Variants in DNAH11 observed in about 807,000 individuals in gnomAD.
The protein encoded by DNAH11 is dynein axonemal heavy chain 11, also known as axonemal beta dynein heavy chain 11.
In DNAH11, 442 loss-of-function variants were observed where a neutral mutation model predicts 526.0. The observed-to-expected ratio is 0.84, with a 90% CI of 0.78 to 0.91. The LOEUF (loss-of-function observed/expected upper bound fraction) is 0.91. Among genes scored for constraint, DNAH11 ranks in the 40% least tolerant of loss-of-function variants. The pLI is 0.00. For synonymous variants in DNAH11, 2,461 were observed against 1,935.9 expected, an observed-to-expected ratio of 1.27 and a Z score of -7.12; for missense variants, 6,989 against 5,448.7, an observed-to-expected ratio of 1.28 and a Z score of -8.90.
intron 2 of DNAH11, among the ~76,000 whole-genome samples, chr7:21,549,493 A>C (rs1015981593): frequency 6.6e-6 from 1 of 152,050 alleles, no homozygotes; most frequent in South Asian, 2.1e-4. Flanking sequence ...GTCCCAGGCA[A>C]ATGGGGGGGT....
chr7:21,636,047 G>T lies in DNAH11; in HGVS notation c.4677G>T (p.Gln1559His). Residue 1559 changes from glutamine (Q) to histidine (H), a missense_variant, in exon 26 of 82, where the codon CAG becomes CAT. Transcript: ENST00000409508. ...IFVCSEDIRI[Q>H]LVKDARRFDG... ...TCTGTTCAGAAGATATTCGAATCCA[G>T]CTTGTGAAAGATGCTAGAAGATTTG... 6.2e-7 allele frequency: 1 copy of T among 1,613,544 alleles called. No homozygotes were observed. Among genetic ancestry groups the T allele is most frequent in the Non-Finnish European group, 8.5e-7 (1 of 1,179,686 alleles).
At chr7:21,777,159 A>T (rs1787712255) in intron 56 of DNAH11, among the ~76,000 whole-genome samples, 1 of 152,030 alleles carries the variant, frequency 6.6e-6, no homozygotes, top group African/African-American at 2.4e-5. Context: ...TAGTTTTGTC[A>T]TTTCAAAAAT....
intron 25 of DNAH11, among the ~76,000 whole-genome samples, chr7:21,623,281 G>A (rs1355810463): frequency 5.0e-4 from 76 of 151,598 alleles, no homozygotes; most frequent in African/African-American, 1.8e-3. Flanking sequence ...TCTCACACCA[G>A]TTAGAATGGC....
chr7:21,589,802 G>T (rs1453842159), intron 12 of DNAH11, among the ~76,000 whole-genome samples: 1 of 152,108 alleles, frequency 6.6e-6, no homozygotes, highest in Non-Finnish European at 1.5e-5. Flanking sequence ...ACATACACCA[G>T]TGTTTTAGTT....
At chr7:21,579,136 A>G (rs1167760246) in intron 8 of DNAH11, among the ~76,000 whole-genome samples, 1 of 152,144 alleles carries the variant, frequency 6.6e-6, no homozygotes, top group Admixed American at 6.5e-5. Flanking sequence ...TGCCTTTTAG[A>G]CACTAAGTCA....
chr7:21,763,361 A>AGAAG (rs1787016853), intron 54 of DNAH11, among the ~76,000 whole-genome samples: 1 of 149,086 alleles, frequency 6.7e-6, no homozygotes, highest in Non-Finnish European at 1.5e-5. Flanking sequence ...AAAAAAGAAA[A>AGAAG]AAAAAAAGAC....
chr7:21,782,217 T>C (rs922299583), intron 57 of DNAH11, among the ~76,000 whole-genome samples: 5 of 152,224 alleles, frequency 3.3e-5, no homozygotes, highest in Non-Finnish European at 7.3e-5. Context: ...GCAGAGAATT[T>C]CTGGTCTACC....
intron 31 of DNAH11, 190 bp downstream of exon 31, chr7:21,681,867 C>T: frequency 1.3e-6 from 1 of 747,982 alleles, no homozygotes; most frequent in Non-Finnish European, 2.3e-6. Context: ...GAGACCTATT[C>T]CAAGTGATAT....
Position 21,787,521 on chromosome 7 carries a change from A to G in DNAH11, c.9862A>G (p.Thr3288Ala), listed in dbSNP as rs1266689145. 1.9e-6 allele frequency: 3 copies of G among 1,613,522 alleles called. No individual in the cohort carries two copies. The African/African-American group carries it at 4.0e-5, about 22-fold the overall frequency. Residue 3288 changes from threonine to alanine, a missense_variant, in exon 60 of 82, where the codon ACC becomes GCC. By Grantham distance (58) the Thr-to-Ala change is moderately conservative (BLOSUM62 0). Coordinates refer to ENST00000409508, the MANE Select transcript of DNAH11 (RefSeq NM_001277115.2). ...DPEFNPNLIR[T>A]KSFAAAGLCA... Reference sequence around the variant, plus strand: ...AGAGTTTAATCCAAACCTGATTCGAACCAAATCTTTTGCAGCAGCTGGCCT... The same window carrying G: ...AGAGTTTAATCCAAACCTGATTCGAGCCAAATCTTTTGCAGCAGCTGGCCT...
At chr7:21,756,064 A>T (rs922521665) in intron 54 of DNAH11, among the ~76,000 whole-genome samples, 2 of 152,054 alleles carry the variant, frequency 1.3e-5, no homozygotes, top group Non-Finnish European at 2.9e-5. Context: ...CATATTTATT[A>T]AAAATGTTAA....
At chr7:21,676,171 T>G (rs1408588539) in intron 30 of DNAH11, among the ~76,000 whole-genome samples, 1 of 152,214 alleles carries the variant, frequency 6.6e-6, no homozygotes, top group African/African-American at 2.4e-5. Flanking sequence ...TTATTTCTAG[T>G]TCAAGATACA....
At chr7:21,800,287 C>G (rs1343285788) in intron 61 of DNAH11, among the ~76,000 whole-genome samples, 2 of 152,174 alleles carry the variant, frequency 1.3e-5, no homozygotes, top group Non-Finnish European at 2.9e-5. Flanking sequence ...CCAGGTCTTT[C>G]AATGCTAAAG....
chr7:21,725,962 T>A lies in DNAH11; in HGVS notation c.7418T>A (p.Met2473Lys), dbSNP rs1203555983. The change falls in exon 45 of 82, where the codon ATG becomes AAG. Residue 2473 changes from methionine (M) to lysine (K), a missense_variant. Coordinates refer to ENST00000409508, the MANE Select transcript of DNAH11 (RefSeq NM_001277115.2). ...PWADKIAQFTMDPDVPLQTVL... is the reference protein window; with the variant it reads ...PWADKIAQFTKDPDVPLQTVL... ...GCTGACAAAATTGCCCAGTTTACTA[T>A]GGATCCAGATGTGCCTCTGCAGGTA... The A allele has an allele frequency of 6.4e-7, 1 of 1,554,412 alleles. No homozygotes were observed. Among genetic ancestry groups the A allele is most frequent in the Non-Finnish European group, 8.7e-7 (1 of 1,148,248 alleles).
chr7:21,594,636 A>G (rs959184898), intron 14 of DNAH11, among the ~76,000 whole-genome samples: 4 of 152,182 alleles, frequency 2.6e-5, no homozygotes, highest in African/African-American at 9.7e-5. Flanking sequence ...CAGAGGTGAT[A>G]GAGTCAGCCA....
chr7:21,662,499 G>T (rs1419118919), intron 30 of DNAH11, among the ~76,000 whole-genome samples: 1 of 151,918 alleles, frequency 6.6e-6, no homozygotes, highest in Non-Finnish European at 1.5e-5. Context: ...TAATTGAAAG[G>T]TAAATACTGT....
intron 68 of DNAH11, among the ~76,000 whole-genome samples, chr7:21,855,857 C>T (rs1161514045): frequency 1.3e-5 from 2 of 151,948 alleles, no homozygotes; most frequent in Non-Finnish European, 2.9e-5. Context: ...TATAGTTCCA[C>T]CTTTATGATC....
At chr7:21,850,900 T>A (rs1034096133) in intron 66 of DNAH11, among the ~76,000 whole-genome samples, 1 of 152,168 alleles carries the variant, frequency 6.6e-6, no homozygotes. Context: ...TCCACTGATA[T>A]TATACTGGAG....
At chr7:21,707,904 C>T in intron 40 of DNAH11, 69 bp downstream of exon 40, 1 of 1,472,070 alleles carries the variant, frequency 6.8e-7, no homozygotes, top group Non-Finnish European at 9.1e-7. Flanking sequence ...CAGTACAAGC[C>T]AATTTTAGTC....
rs761555358 is a variant in DNAH11, at chr7:21,725,794, T to A, written c.7267-17T>A. Reference sequence around the variant, plus strand: ...TTACTTTGAGTCTGCAATAAGGATTTCTTTTGTTCTCCTTAGATTTCTGAT... The same window carrying A: ...TTACTTTGAGTCTGCAATAAGGATTACTTTTGTTCTCCTTAGATTTCTGAT... On this transcript the variant is annotated splice_polypyrimidine_tract_variant and intron_variant, in intron 44 of 81. Transcript: ENST00000409508. 1 of 1,599,448 alleles carries A rather than the reference T, an allele frequency of 6.3e-7. No individual in the cohort carries two copies. The highest frequency in any genetic ancestry group is 8.5e-7 in the Non-Finnish European group (1 of 1,172,004).
Sources: allele counts gnomAD v4.1 joint callset (sites outside exome capture counted in the v4.1 genomes callset), GRCh38; gene constraint gnomAD v4.1.1; transcripts MANE v1.5; gene names NCBI Gene and HGNC (gene_info 2026-07-23, HGNC 2026-07-21).